Variants in LTBP1 observed in about 807,000 individuals in gnomAD.
LTBP1 encodes the protein latent-transforming growth factor beta-binding protein 1.
In LTBP1, 129 loss-of-function variants were observed where a neutral mutation model predicts 207.6. The observed-to-expected ratio is 0.62, with a 90% CI of 0.54 to 0.72. LTBP1 has a LOEUF of 0.72. Ranked by LOEUF, LTBP1 falls within the 30% of genes least tolerant of loss-of-function variation. LTBP1 has a pLI of 0.00. For synonymous variants in LTBP1, 963 were observed against 833.7 expected (o/e 1.16, Z -2.67); for missense variants, 2,281 against 2,217.2 (o/e 1.03, Z -0.58).
intron 3 of LTBP1, among the ~76,000 whole-genome samples, chr2:33,021,532 A>C (rs1478231733): frequency 6.6e-6 from 1 of 152,164 alleles, no homozygotes; most frequent in African/African-American, 2.4e-5. Flanking sequence ...TCTGTTTTTG[A>C]GGGGGGAGCT....
intron 1 of LTBP1, 87 bp downstream of exon 1, chr2:32,947,905 C>CCGCGGTGGCCAGGGCGGTCGCG (rs1676483006): frequency 4.3e-6 from 5 of 1,174,306 alleles, no homozygotes; most frequent in Middle Eastern, 3.3e-4. Flanking sequence ...ACTCGGAGCC[C>CCGCGGTGGCCAGGGCGGTCGCG]CGCGGTGGCC....
chr2:33,137,549 A>G (rs1033106366), intron 5 of LTBP1, among the ~76,000 whole-genome samples: 6 of 152,258 alleles, frequency 3.9e-5, no homozygotes, highest in African/African-American at 7.2e-5. Context: ...CTGTGTTACA[A>G]AAACATTTGT....
chr2:33,106,106 C>T (rs1397763562), intron 3 of LTBP1, among the ~76,000 whole-genome samples: 4 of 152,200 alleles, frequency 2.6e-5, no homozygotes, highest in African/African-American at 9.7e-5. Flanking sequence ...AGAAGCAGTT[C>T]TTCATCCCTT....
intron 5 of LTBP1, among the ~76,000 whole-genome samples, chr2:33,167,637 A>T (rs1400887191): frequency 6.6e-6 from 1 of 152,230 alleles, no homozygotes; most frequent in Non-Finnish European, 1.5e-5. Flanking sequence ...GAAAGAGGTC[A>T]TGCTTCAGCA....
At chr2:33,397,021 G>A (rs2150782834) in intron 32 of LTBP1, 112 bp from the exon 33 acceptor site, 1 of 864,230 alleles carries the variant, frequency 1.2e-6, no homozygotes, top group South Asian at 1.9e-5. Context: ...TCTGAAATAT[G>A]TATGGACATA....
chr2:33,325,216 T>G (rs1182058947), intron 24 of LTBP1, among the ~76,000 whole-genome samples: 2 of 152,220 alleles, frequency 1.3e-5, no homozygotes, highest in Non-Finnish European at 2.9e-5. Context: ...TTGTTTGCAT[T>G]TGAGCATTGG....
chr2:33,398,771 T>C lies in LTBP1; in HGVS notation c.*226T>C. The C allele has an allele frequency of 2.9e-6, 1 of 347,088 alleles. No individual in the cohort carries two copies. The highest frequency in any genetic ancestry group is 5.2e-6 in the Non-Finnish European group (1 of 192,832). The allele number at this position is 347,088 out of a possible 1,614,324, so 21.5% of individuals were successfully genotyped here. A position where few individuals can be genotyped will look rare whatever the true frequency, so the allele number is the denominator to read the frequency against. On this transcript the variant is annotated 3_prime_UTR_variant, in exon 34 of 34. Coordinates refer to ENST00000404816, the MANE Select transcript of LTBP1 (RefSeq NM_206943.4). ...AAAACCAGTATATATAGTCTGTTCA[T>C]ATGTAAAATTCAATGGAAGAGAGGT...
At chr2:32,969,359 C>G (rs1300439795) in intron 2 of LTBP1, among the ~76,000 whole-genome samples, 1 of 150,576 alleles carries the variant, frequency 6.6e-6, no homozygotes, top group East Asian at 1.9e-4. Context: ...TTTGATGTGC[C>G]AGATTATTTC....
intron 9 of LTBP1, among the ~76,000 whole-genome samples, chr2:33,240,622 C>T: frequency 6.6e-6 from 1 of 150,850 alleles, no homozygotes; most frequent in East Asian, 1.9e-4. Context: ...GCACAAAGAA[C>T]CTTCTCAGGT....
chr2:33,284,050 C>G (rs1558944706), intron 19 of LTBP1, among the ~76,000 whole-genome samples: 1 of 152,050 alleles, frequency 6.6e-6, no homozygotes, highest in Non-Finnish European at 1.5e-5. Context: ...GCTATTCAAC[C>G]CCTATATTCT....
intron 14 of LTBP1, 23 bp downstream of exon 14, chr2:33,262,844 G>T: frequency 6.6e-7 from 1 of 1,509,742 alleles, no homozygotes; most frequent in East Asian, 2.3e-5. Context: ...GATCTGTGCT[G>T]TTTGTCAGAG....
intron 3 of LTBP1, among the ~76,000 whole-genome samples, chr2:33,057,364 C>A (rs183478525): frequency 6.6e-6 from 1 of 152,234 alleles, no homozygotes; most frequent in African/African-American, 2.4e-5. Flanking sequence ...GCTGGCTTCA[C>A]CCAGTGGGTC....
At chr2:33,273,883 T>C in intron 16 of LTBP1, 102 bp downstream of exon 16, 1 of 1,098,398 alleles carries the variant, frequency 9.1e-7, no homozygotes, top group South Asian at 2.2e-5. Context: ...AAAGTGTTAC[T>C]GGTTTAATTT....
At chr2:32,958,851 G>A (rs2148380520) in intron 2 of LTBP1, among the ~76,000 whole-genome samples, 1 of 152,236 alleles carries the variant, frequency 6.6e-6, no homozygotes, top group South Asian at 2.1e-4. Context: ...TCCTGCCTTT[G>A]CTCTGTAAGG....
intron 3 of LTBP1, among the ~76,000 whole-genome samples, chr2:33,071,860 A>G (rs2077808017): frequency 1.3e-5 from 2 of 152,150 alleles, no homozygotes; most frequent in South Asian, 4.1e-4. Flanking sequence ...TGCTTCCCCC[A>G]CTATACTCTC....
chr2:33,304,410 G>T (rs889193397), intron 22 of LTBP1, among the ~76,000 whole-genome samples: 1 of 152,184 alleles, frequency 6.6e-6, no homozygotes, highest in East Asian at 1.9e-4. Context: ...CTTTCTTGTT[G>T]GCTTTTATGT....
chr2:33,021,798 T>G (rs1194253410), intron 3 of LTBP1, among the ~76,000 whole-genome samples: 1 of 152,194 alleles, frequency 6.6e-6, no homozygotes, highest in Non-Finnish European at 1.5e-5. Context: ...AGGTTTTTTT[T>G]TTCTTAGTGT....
At chr2:33,378,870 G>A (rs538421647) in intron 31 of LTBP1, among the ~76,000 whole-genome samples, 1 of 152,332 alleles carries the variant, frequency 6.6e-6, no homozygotes, top group African/African-American at 2.4e-5. Context: ...GCCGCAGACA[G>A]ATTGTGCCCC....
chr2:33,388,348 G>A lies in LTBP1; in HGVS notation c.4712-836G>A, dbSNP rs185764561. On this transcript the variant is annotated intron_variant, in intron 31 of 33. Coordinates refer to ENST00000404816, the MANE Select transcript of LTBP1 (RefSeq NM_206943.4). ...GATGGTAAGGACAGGAATTCCAAAG[G>A]AGCTGAGATCATTGCAGGGGAGACA... Among the ~76,000 whole-genome samples the A allele has an allele frequency of 1.6e-3, 239 of 152,268 alleles. 2 individuals are homozygous for A. Among genetic ancestry groups the A allele is most frequent in the Non-Finnish European group, 1.0e-3 (69 of 68,016 alleles).
Sources: allele counts gnomAD v4.1 joint callset (sites outside exome capture counted in the v4.1 genomes callset), GRCh38; gene constraint gnomAD v4.1.1; transcripts MANE v1.5; gene names NCBI Gene and HGNC (gene_info 2026-07-23, HGNC 2026-07-21).